Variants in PTPRT observed in about 807,000 individuals in gnomAD.
PTPRT encodes the protein protein tyrosine phosphatase receptor type T, also known as receptor-type tyrosine-protein phosphatase T.
PTPRT carries 56 observed loss-of-function variants against 176.8 expected under a neutral mutation model. That is an observed-to-expected ratio of 0.32 (90% CI 0.26 to 0.40). The LOEUF is 0.40. Ranked by LOEUF, PTPRT falls within the 10% of genes least tolerant of loss-of-function variation. The pLI, the probability that PTPRT is intolerant of heterozygous loss-of-function variation, is 1.00. For synonymous variants in PTPRT, 783 were observed against 739.0 expected, an observed-to-expected ratio of 1.06 and a Z score of -0.96; for missense variants, 1,540 against 1,908.2, an observed-to-expected ratio of 0.81 and a Z score of 3.60.
intron 1 of PTPRT, among the ~76,000 whole-genome samples, chr20:43,165,157 C>CTT (rs575367224): frequency 6.6e-5 from 9 of 136,810 alleles, no homozygotes; most frequent in African/African-American, 1.1e-4. Context: ...TCTGCACATA[C>CTT]TTTTTTTTTT....
At chr20:42,533,179 G>A (rs939010878) in intron 7 of PTPRT, among the ~76,000 whole-genome samples, 2 of 152,190 alleles carry the variant, frequency 1.3e-5, no homozygotes, top group African/African-American at 4.8e-5. Flanking sequence ...CATTGCAGGA[G>A]GCCAAAGGCT....
intron 7 of PTPRT, among the ~76,000 whole-genome samples, chr20:42,675,552 T>C (rs2075487630): frequency 6.6e-6 from 1 of 152,220 alleles, no homozygotes; most frequent in Admixed American, 6.5e-5. Flanking sequence ...TGACTCCAAA[T>C]GTATATGCTA....
intron 12 of PTPRT, among the ~76,000 whole-genome samples, chr20:42,297,587 A>T (rs1056561069): frequency 6.6e-6 from 1 of 152,212 alleles, no homozygotes; most frequent in Non-Finnish European, 1.5e-5. Context: ...CTGAAAAAGG[A>T]AATCTCGATG....
At chr20:42,823,029 A>G (rs1185228106) in intron 2 of PTPRT, among the ~76,000 whole-genome samples, 1 of 152,184 alleles carries the variant, frequency 6.6e-6, no homozygotes, top group African/African-American at 2.4e-5. Context: ...CAGCAATCCC[A>G]TTACTGGGTA....
intron 1 of PTPRT, among the ~76,000 whole-genome samples, chr20:43,154,574 A>G (rs2014460697): frequency 6.6e-6 from 1 of 152,194 alleles, no homozygotes; most frequent in African/African-American, 2.4e-5. Context: ...TGGTATTTTC[A>G]TAGGGATTAC....
At chr20:42,986,781 A>G (rs1323208450) in intron 1 of PTPRT, among the ~76,000 whole-genome samples, 1 of 152,132 alleles carries the variant, frequency 6.6e-6, no homozygotes, top group Non-Finnish European at 1.5e-5. Flanking sequence ...ACTAAAGCAT[A>G]AACAGTAAGC....
At chr20:42,390,490 C>T (rs1407571713) in intron 9 of PTPRT, among the ~76,000 whole-genome samples, 3 of 152,174 alleles carry the variant, frequency 2.0e-5, no homozygotes, top group African/African-American at 7.2e-5. Context: ...CCCCAACCAT[C>T]CCTACCTCCT....
At chr20:42,738,676 G>C (rs1290945090) in intron 6 of PTPRT, among the ~76,000 whole-genome samples, 1 of 152,154 alleles carries the variant, frequency 6.6e-6, no homozygotes, top group Non-Finnish European at 1.5e-5. Flanking sequence ...GGCATAACAG[G>C]TATTTAATAA....
chr20:43,157,766 G>A (rs542813706), intron 1 of PTPRT, among the ~76,000 whole-genome samples: 116 of 152,292 alleles, frequency 7.6e-4, no homozygotes, highest in African/African-American at 2.7e-3. Flanking sequence ...AGCCAAGCAG[G>A]TATCCTAGGG....
intron 7 of PTPRT, among the ~76,000 whole-genome samples, chr20:42,608,568 T>C (rs2073922351): frequency 6.6e-6 from 1 of 152,152 alleles, no homozygotes. Flanking sequence ...CAATATTGTC[T>C]GGGATATCAA....
chr20:42,986,830 C>G (rs544031420), intron 1 of PTPRT, among the ~76,000 whole-genome samples: 10 of 152,294 alleles, frequency 6.6e-5, no homozygotes, highest in African/African-American at 1.9e-4. Flanking sequence ...GAACCACACC[C>G]AGCCCTAGAA....
rs1213702583 is a variant in PTPRT, at chr20:42,771,464, A to G, written c.655T>C (p.Trp219Arg). 6.2e-7 allele frequency: 1 copy of G among 1,614,042 alleles called. No individual in the cohort carries two copies. Among genetic ancestry groups the G allele is most frequent in the Non-Finnish European group, 8.5e-7 (1 of 1,179,978 alleles). Residue 219 changes from tryptophan (W) to arginine (R), a missense_variant, in exon 5 of 31, where the codon TGG (tryptophan) becomes CGG (arginine). Physicochemically the swap from Trp to Arg is moderately radical, Grantham distance 101. Transcript: ENST00000373187. ...AGCCAAAGCTTGTCATGCTGAGACCACTTCCCACCAGCAATGCACTGAAAT... is the reference window on the plus strand; with the variant it reads ...AGCCAAAGCTTGTCATGCTGAGACCGCTTCCCACCAGCAATGCACTGAAAT... ...ATFQCIAGGKWSQHDKLWLQQ... is the reference protein window; with the variant it reads ...ATFQCIAGGKRSQHDKLWLQQ...
At chr20:42,391,547 T>A (rs2058799832) in intron 9 of PTPRT, among the ~76,000 whole-genome samples, 1 of 152,118 alleles carries the variant, frequency 6.6e-6, no homozygotes, top group Non-Finnish European at 1.5e-5. Context: ...AGAGGCAACC[T>A]GGAGGGACCA....
At chr20:43,032,493 A>G (rs1024637547) in intron 1 of PTPRT, among the ~76,000 whole-genome samples, 2 of 140,640 alleles carry the variant, frequency 1.4e-5, no homozygotes, top group Non-Finnish European at 3.0e-5. Context: ...AAAAAAAAAC[A>G]GTGGCAAATA....
chr20:42,843,234 G>C (rs756442003), intron 2 of PTPRT, among the ~76,000 whole-genome samples: 4 of 152,080 alleles, frequency 2.6e-5, no homozygotes, highest in Non-Finnish European at 4.4e-5. Flanking sequence ...GCTTCCGATA[G>C]ACAATTTCAG....
At chr20:43,111,653 A>C (rs1437699854) in intron 1 of PTPRT, among the ~76,000 whole-genome samples, 2 of 152,142 alleles carry the variant, frequency 1.3e-5, no homozygotes, top group Non-Finnish European at 2.9e-5. Flanking sequence ...AAAGAACAGA[A>C]CTGTTTAAAG....
At chr20:42,331,650 C>T (rs967148070) in intron 11 of PTPRT, among the ~76,000 whole-genome samples, 15 of 152,106 alleles carry the variant, frequency 9.9e-5, no homozygotes, top group African/African-American at 3.6e-4. Context: ...TGCAGAAGTG[C>T]AATGAGGTGA....
chr20:43,151,012 A>G (rs2014331733), intron 1 of PTPRT, among the ~76,000 whole-genome samples: 1 of 152,132 alleles, frequency 6.6e-6, no homozygotes, highest in East Asian at 1.9e-4. Flanking sequence ...TGTGGTAAAA[A>G]ATGGCATAGA....
chr20:42,550,728 A>G (rs930190673), intron 7 of PTPRT, among the ~76,000 whole-genome samples: 4 of 152,076 alleles, frequency 2.6e-5, no homozygotes, highest in Admixed American at 6.6e-5. Flanking sequence ...ACACCTGTGG[A>G]AAAAAAGAGA....
Sources: allele counts gnomAD v4.1 joint callset (sites outside exome capture counted in the v4.1 genomes callset), GRCh38; gene constraint gnomAD v4.1.1; transcripts MANE v1.5; gene names NCBI Gene and HGNC (gene_info 2026-07-23, HGNC 2026-07-21).